Variants in ELF1 observed in about 807,000 individuals in gnomAD.
The protein encoded by ELF1 is E74 like ETS transcription factor 1.
A neutral mutation model predicts 59.9 loss-of-function variants in ELF1; 24 were observed. The observed-to-expected ratio is 0.40, with a 90% CI of 0.29 to 0.56. The LOEUF is 0.56. Ranked by LOEUF, ELF1 falls within the 20% of genes least tolerant of loss-of-function variation. ELF1 has a pLI of 0.44. For synonymous variants in ELF1, 248 were observed against 266.2 expected, an observed-to-expected ratio of 0.93 and a Z score of 0.67; for missense variants, 627 against 742.2, an observed-to-expected ratio of 0.84 and a Z score of 1.80.
At chr13:40,959,897 C>T (rs1253694809) in intron 2 of ELF1, among the ~76,000 whole-genome samples, 1 of 152,166 alleles carries the variant, frequency 6.6e-6, no homozygotes, top group African/African-American at 2.4e-5. Flanking sequence ...CTACTAAAAA[C>T]TCAGTTAATT....
intron 8 of ELF1, among the ~76,000 whole-genome samples, chr13:40,939,794 A>G (rs1870019484): frequency 6.6e-6 from 1 of 152,196 alleles, no homozygotes. Flanking sequence ...AACGATTCAA[A>G]ATCCGAAACA....
At position 40,933,715 on chromosome 13, in the gene ELF1, A is replaced by T; in HGVS notation, c.1570T>A (p.Ser524Thr). The T allele has an allele frequency of 6.2e-7, 1 of 1,614,280 alleles. No homozygotes were observed. Residue 524 changes from serine (S) to threonine (T), a missense_variant, in exon 9 of 9, where the codon TCC becomes ACC. Transcript: ENST00000239882. ...GCAGTAGCACTGAAGGATGGAGAGG[A>T]AGCCACACTGACGGTTCCATTGCAA... ...TICNGTVSVA[S>T]SPSFSATAPV...
At chr13:41,050,944 A>G (rs1055227398) in intron 1 of ELF1, among the ~76,000 whole-genome samples, 2 of 152,196 alleles carry the variant, frequency 1.3e-5, no homozygotes, top group Admixed American at 6.5e-5. Context: ...CAAGAGTTTC[A>G]GTTTCTTCAC....
intron 1 of ELF1, among the ~76,000 whole-genome samples, chr13:41,060,283 G>T (rs1431984882): frequency 6.6e-6 from 1 of 152,246 alleles, no homozygotes; most frequent in Admixed American, 6.5e-5. Context: ...ACTGGTCCGG[G>T]CGCGGGCTCT....
At chr13:40,981,007 C>A (rs1593377073) in intron 2 of ELF1, among the ~76,000 whole-genome samples, 2 of 152,060 alleles carry the variant, frequency 1.3e-5, no homozygotes, top group South Asian at 4.2e-4. Context: ...GACAACACAG[C>A]TAAAAAAATT....
At chr13:41,031,009 A>C (rs140908511) in intron 1 of ELF1, among the ~76,000 whole-genome samples, 4 of 150,972 alleles carry the variant, frequency 2.6e-5, no homozygotes, top group Non-Finnish European at 3.0e-5. Context: ...AAAAAATAAA[A>C]GAAATGAGCC....
intron 4 of ELF1, 28 bp downstream of exon 4, chr13:40,951,301 A>G (rs1487871298): frequency 1.9e-6 from 3 of 1,545,892 alleles, no homozygotes; most frequent in Middle Eastern, 1.7e-4. Context: ...AACAAAGTAC[A>G]TAAACATAAA....
upstream of ELF1, among the ~76,000 whole-genome samples, chr13:41,022,090 A>G (rs1875712422): frequency 6.6e-6 from 1 of 152,264 alleles, no homozygotes; most frequent in Admixed American, 6.5e-5. Flanking sequence ...TGTCTATTTT[A>G]AAACTTCTAT....
At chr13:41,050,558 CA>C (rs1417828372) in intron 1 of ELF1, among the ~76,000 whole-genome samples, 2 of 151,968 alleles carry the variant, frequency 1.3e-5, no homozygotes, top group African/African-American at 4.8e-5. Context: ...AATTCTCTTT[CA>C]AAAAAAATTT....
At chr13:40,946,226 T>A (rs1870501813) in intron 5 of ELF1, among the ~76,000 whole-genome samples, 1 of 152,206 alleles carries the variant, frequency 6.6e-6, no homozygotes, top group South Asian at 2.1e-4. Flanking sequence ...TAGCCTTTTA[T>A]TTTTTAAGCA....
chr13:40,941,816 C>T (rs532509607), intron 7 of ELF1, among the ~76,000 whole-genome samples: 6 of 152,252 alleles, frequency 3.9e-5, no homozygotes, highest in Admixed American at 2.6e-4. Context: ...TGCTACCACA[C>T]GTGGCTAATT....
chr13:40,977,244 T>C (rs1166503875), intron 2 of ELF1, among the ~76,000 whole-genome samples: 2 of 152,032 alleles, frequency 1.3e-5, no homozygotes, highest in South Asian at 4.1e-4. Flanking sequence ...ACATTCACCA[T>C]GCTAACACGC....
rs201648229 is a variant in ELF1 at position 41,055,308 on chromosome 13, C to CA, written c.-229+5529dup. On this transcript the variant is annotated intron_variant, in intron 1 of 1. Transcript: ENST00000405737. ...TTATTTCCCATTCCTATCCTACCTG[C>CA]ACCCTCAGCTCCATTAAAATGTGCT... Among the ~76,000 whole-genome samples the CA allele has an allele frequency of 6.7e-3, 1,016 of 152,140 alleles. 12 individuals are homozygous for CA. Among genetic ancestry groups the CA allele is most frequent in the African/African-American group, 0.022 (894 of 41,480 alleles).
intron 2 of ELF1, among the ~76,000 whole-genome samples, chr13:40,972,820 A>C (rs1411811516): frequency 1.3e-5 from 2 of 152,190 alleles, no homozygotes; most frequent in African/African-American, 4.8e-5. Flanking sequence ...ATTGACAAAC[A>C]TCAGTTTTCA....
chr13:40,959,133 G>T, intron 2 of ELF1, 117 bp from the exon 3 acceptor site: 1 of 1,338,866 alleles, frequency 7.5e-7, no homozygotes, highest in Non-Finnish European at 9.8e-7. Context: ...AGATCATCAG[G>T]CTGTATCTCT....
intron 1 of ELF1, among the ~76,000 whole-genome samples, chr13:40,984,441 A>G (rs929654465): frequency 2.0e-5 from 3 of 152,100 alleles, no homozygotes; most frequent in African/African-American, 7.2e-5. Flanking sequence ...GTGTGTGTGC[A>G]TTTGTGATCC....
chr13:40,959,910 C>T (rs528151174), intron 2 of ELF1, among the ~76,000 whole-genome samples: 1 of 152,208 alleles, frequency 6.6e-6, no homozygotes, highest in South Asian at 2.1e-4. Context: ...AGTTAATTAG[C>T]GGCAAACCTC....
At chr13:40,992,176 T>A (rs1403744202) in intron 1 of ELF1, among the ~76,000 whole-genome samples, 1 of 152,238 alleles carries the variant, frequency 6.6e-6, no homozygotes, top group Non-Finnish European at 1.5e-5. Flanking sequence ...CATTTGCAGA[T>A]GAGAAAATGA....
rs181629989 is a variant in ELF1, at chr13:41,048,463, G to A, written c.-229+12375C>T. Among the ~76,000 whole-genome samples, 232 of 152,270 alleles carry A rather than the reference G, an allele frequency of 1.5e-3. 1 individual carries two copies. Among genetic ancestry groups the A allele is most frequent in the African/African-American group, 5.5e-3 (227 of 41,542 alleles). ...AGACAAGGTCTCCATCTGTCACTCA[G>A]GCTGGAGTGCAGTGGTACAAACACA... On this transcript the variant is annotated intron_variant, in intron 1 of 1. Coordinates refer to the ELF1 transcript ENST00000405737.
Sources: gnomAD v4.1 joint callset for allele counts (sites outside exome capture counted in the v4.1 genomes callset) on GRCh38, gnomAD v4.1.1 for gene constraint, MANE v1.5 for transcripts, NCBI Gene and HGNC (gene_info 2026-07-23, HGNC 2026-07-21) for gene names.